RANGAP1: variants seen among roughly 807,000 people sequenced by gnomAD.
RANGAP1 encodes the protein ran GTPase-activating protein 1.
Under a neutral mutation model 63.5 loss-of-function variants are expected in RANGAP1, and 38 were observed. That is an observed-to-expected ratio of 0.60 (90% CI 0.46 to 0.78). The LOEUF (loss-of-function observed/expected upper bound fraction) is 0.78, where lower values mean the gene tolerates loss of function less well. Among genes scored for constraint, RANGAP1 ranks in the 30% least tolerant of loss-of-function variants. The probability of loss-of-function intolerance (pLI) is 0.00; values close to 1 mark genes in which losing one functional copy is unlikely to be tolerated. For missense variants in RANGAP1, 630 were observed against 740.3 expected (o/e 0.85, Z 1.73); for synonymous variants, 329 against 310.5 (o/e 1.06, Z -0.63).
chr22:41,249,071 G>A (rs927965692), intron 15 of RANGAP1, among the ~76,000 whole-genome samples: 1 of 152,238 alleles, frequency 6.6e-6, no homozygotes, highest in Non-Finnish European at 1.5e-5. Context: ...CTGCACAATG[G>A]GGGCGCCGCA....
At chr22:41,286,512 C>T (rs1293857232), upstream of RANGAP1, among the ~76,000 whole-genome samples, 1 of 152,240 alleles carries the variant, frequency 6.6e-6, no homozygotes, top group African/African-American at 2.4e-5. Flanking sequence ...CCAGGTCCCT[C>T]AGCTCTTCCG....
chr22:41,300,698 T>C, the RANGAP1 span, among the ~76,000 whole-genome samples: 5 of 151,178 alleles, frequency 3.3e-5, no homozygotes, highest in African/African-American at 9.7e-5. Context: ...CTTGAACTCC[T>C]GACCTCAGGT....
At chr22:41,276,031 T>C (rs141409226) in intron 2 of RANGAP1, among the ~76,000 whole-genome samples, 16 of 152,266 alleles carry the variant, frequency 1.1e-4, no homozygotes, top group Non-Finnish European at 1.8e-4. Context: ...CAAATAGTTA[T>C]ACCAGCACTG....
Position 41,257,781 on chromosome 22 carries a change from C to G in RANGAP1, c.774+167G>C, listed in dbSNP as rs2033929954. Among the ~76,000 whole-genome samples, 1 of 152,208 alleles carries G rather than the reference C, an allele frequency of 6.6e-6. No individual in the cohort carries two copies. Among genetic ancestry groups the G allele is most frequent in the African/African-American group, 2.4e-5 (1 of 41,454 alleles). ...AGGGCGTGGGTTACCTTGGGACCTG[C>G]AACCCTGTTCAGGACATGTTCAAAG... On this transcript the variant is annotated intron_variant, in intron 7 of 15. Transcript: ENST00000356244. The surrounding 1 kb of genome is among the most constrained non-coding windows in gnomAD (Gnocchi z 4.0).
intron 2 of RANGAP1, among the ~76,000 whole-genome samples, chr22:41,275,402 G>C (rs1247011153): frequency 6.6e-6 from 1 of 152,044 alleles, no homozygotes; most frequent in African/African-American, 2.4e-5. Flanking sequence ...TGAGGCAGGA[G>C]AATGTCTTGA....
intron 2 of RANGAP1, among the ~76,000 whole-genome samples, chr22:41,280,364 C>G (rs1348196472): frequency 6.6e-6 from 1 of 152,188 alleles, no homozygotes; most frequent in African/African-American, 2.4e-5. Context: ...CAGTGGCAGC[C>G]AAGCCTTGAC....
At chr22:41,247,502 C>A (rs1305874287) in intron 15 of RANGAP1, among the ~76,000 whole-genome samples, 1 of 152,156 alleles carries the variant, frequency 6.6e-6, no homozygotes, top group Non-Finnish European at 1.5e-5. Flanking sequence ...CAGGTACACA[C>A]CACCACACCC....
chr22:41,258,123 G>A lies in RANGAP1; in HGVS notation c.616-17C>T. 6.3e-7 allele frequency: 1 copy of A among 1,581,706 alleles called. No homozygotes were observed. The highest frequency in any genetic ancestry group is 1.3e-5 in the African/African-American group (1 of 74,224). On this transcript the variant is annotated splice_polypyrimidine_tract_variant and intron_variant, in intron 6 of 15. Coordinates refer to ENST00000356244, the MANE Select transcript of RANGAP1 (RefSeq NM_002883.4). Reference sequence around the variant, plus strand: ...CCCGATGACCTGTGAAGAGGAGGCAGAGAGTGGAGGGGGCCCCGAGTGCCA... The same window carrying A: ...CCCGATGACCTGTGAAGAGGAGGCAAAGAGTGGAGGGGGCCCCGAGTGCCA...
intron 15 of RANGAP1, 114 bp downstream of exon 15, chr22:41,249,216 G>A: frequency 7.2e-7 from 1 of 1,388,552 alleles, no homozygotes. Context: ...GCACCTGAGT[G>A]GGGCCAGCAG....
intron 8 of RANGAP1, 36 bp downstream of exon 8, chr22:41,256,675 C>T (rs200495380): frequency 6.3e-7 from 1 of 1,586,368 alleles, no homozygotes; most frequent in Non-Finnish European, 8.6e-7. Flanking sequence ...CACCCACAGA[C>T]CCCAGAGGGA....
chr22:41,292,575 A>T, the RANGAP1 span, among the ~76,000 whole-genome samples: 6 of 151,212 alleles, frequency 4.0e-5, no homozygotes, highest in Admixed American at 4.0e-4. Flanking sequence ...CCTGACCAAC[A>T]TGGTGAAACC....
chr22:41,301,781 T>C, the RANGAP1 span: 1 of 151,808 alleles, frequency 6.6e-6, no homozygotes, highest in African/African-American at 2.4e-5. Flanking sequence ...AGGTGAGTGC[T>C]TGGCGCGGCC....
At chr22:41,294,494 CCTCTCT>C in the RANGAP1 span, among the ~76,000 whole-genome samples, 6 of 147,960 alleles carry the variant, frequency 4.1e-5, no homozygotes, top group Non-Finnish European at 4.5e-5. Flanking sequence ...AAGTGAGGAG[CCTCTCT>C]GCCTGGCCGC....
chr22:41,249,644 G>A, intron 14 of RANGAP1, 85 bp downstream of exon 14: 4 of 1,542,250 alleles, frequency 2.6e-6, no homozygotes, highest in Non-Finnish European at 3.6e-6. Flanking sequence ...CTCGAGGTGA[G>A]GGAGGTTGGC....
At chr22:41,252,217 G>C (rs2033503294) in intron 12 of RANGAP1, among the ~76,000 whole-genome samples, 1 of 152,062 alleles carries the variant, frequency 6.6e-6, no homozygotes, top group Non-Finnish European at 1.5e-5. Context: ...CAGGAGAATT[G>C]CTTGAACCCA....
At chr22:41,280,154 A>G (rs1601713961) in intron 2 of RANGAP1, among the ~76,000 whole-genome samples, 1 of 152,260 alleles carries the variant, frequency 6.6e-6, no homozygotes, top group African/African-American at 2.4e-5. Context: ...CCTTATGGAG[A>G]TGTTAGGAAC....
rs1338157629 is a variant in RANGAP1 at position 41,257,422 on chromosome 22, T to C, written c.774+526A>G. On this transcript the variant is annotated intron_variant, in intron 7 of 15. Transcript: ENST00000356244. This position sits in a 1 kb window ranked among gnomAD's most constrained non-coding sequence, Gnocchi z 4.0. ...GGCTCAACCCCATGTGGCCTGCACT[T>C]GGTACAAAGCCAAGCACTAAATGGG... Among the ~76,000 whole-genome samples, 1 of 152,060 alleles carries C rather than the reference T, an allele frequency of 6.6e-6. No homozygotes were observed. The highest frequency in any genetic ancestry group is 2.4e-5 in the African/African-American group (1 of 41,384).
chr22:41,286,509 C>A (rs1767276834), upstream of RANGAP1, among the ~76,000 whole-genome samples: 1 of 152,230 alleles, frequency 6.6e-6, no homozygotes, highest in African/African-American at 2.4e-5. Flanking sequence ...CACCCAGGTC[C>A]CTCAGCTCTT....
chr22:41,249,733 A>G lies in RANGAP1; in HGVS notation c.1568T>C (p.Leu523Pro). The change falls in exon 14 of 16, where the codon CTC (leucine) becomes CCC (proline). Residue 523 changes from leucine to proline, a missense_variant. Coordinates refer to ENST00000356244, the MANE Select transcript of RANGAP1 (RefSeq NM_002883.4). ...TGCTGTTCCTTCCGGCCTCACCTTG[A>G]GCAGACCCATGTGCACGAGCAGCCT... is the stretch of plus-strand genomic sequence containing the variant. ...LTRLLVHMGL[L>P]KSEDKVKAIA... The G allele has an allele frequency of 6.2e-7, 1 of 1,612,892 alleles. No individual in the cohort carries two copies. The highest frequency in any genetic ancestry group is 8.5e-7 in the Non-Finnish European group (1 of 1,178,926).
Sources: gnomAD v4.1 joint callset for allele counts (sites outside exome capture counted in the v4.1 genomes callset) on GRCh38, gnomAD v4.1.1 for gene constraint, Gnocchi (gnomAD v3.1) non-coding constraint, MANE v1.5 for transcripts, NCBI Gene and HGNC (gene_info 2026-07-23, HGNC 2026-07-21) for gene names.